DNAH1: variants seen among roughly 807,000 people sequenced by gnomAD.
DNAH1 encodes axonemal beta dynein heavy chain 1.
A neutral mutation model predicts 484.3 loss-of-function variants in DNAH1; 327 were observed. That is an observed-to-expected ratio of 0.68 (90% CI 0.62 to 0.74). The LOEUF is 0.74. Among genes scored for constraint, DNAH1 ranks in the 30% least tolerant of loss-of-function variants. DNAH1 has a pLI of 0.00. For synonymous variants in DNAH1, 2,192 were observed against 2,191.9 expected, an observed-to-expected ratio of 1.00 and a Z score of 0.00; for missense variants, 5,052 against 5,546.8, an observed-to-expected ratio of 0.91 and a Z score of 2.83.
Position 52,398,868 on chromosome 3 carries a change from G to A in DNAH1, c.12108G>A (p.Gln4036=). ...CTCACAGGTACAATCGGCTGCTGCA[G>A]GTGATCACACAGACACTGCAAGACC... ...QEVIRYNRLL[Q]VITQTLQDLL... The change falls in exon 76 of 78, where the codon CAG becomes CAA. Residue 4036 remains glutamine, a synonymous_variant. Coordinates refer to ENST00000420323, the MANE Select transcript of DNAH1 (RefSeq NM_015512.5). 1 of 1,554,332 alleles carries A rather than the reference G, an allele frequency of 6.4e-7. No individual in the cohort carries two copies. The highest frequency in any genetic ancestry group is 8.7e-7 in the Non-Finnish European group (1 of 1,146,978).
At chr3:52,366,358 CAG>C (rs1703071475) in intron 34 of DNAH1, 97 bp from the exon 35 acceptor site, 3 of 904,072 alleles carry the variant, frequency 3.3e-6, no homozygotes, top group Admixed American at 4.8e-5. Context: ...AATTGAGGCT[CAG>C]GGAGTGCAGT....
Position 52,326,816 on chromosome 3 carries a change from G to C in DNAH1, c.663G>C (p.Arg221Ser), listed in dbSNP as rs2153223046. The part of the protein sequence containing the change: ...QGIDSNKLMP[R>S]HLDHQHPQTI... Reference sequence around the variant, plus strand: ...TCGACTCCAACAAGCTCATGCCCAGGCACCTGGACCACCAGCACCCCCAAA... The same window carrying C: ...TCGACTCCAACAAGCTCATGCCCAGCCACCTGGACCACCAGCACCCCCAAA... Residue 221 changes from arginine to serine, a missense_variant, in exon 5 of 78, where the codon AGG becomes AGC. Coordinates refer to ENST00000420323, the MANE Select transcript of DNAH1 (RefSeq NM_015512.5). The C allele has an allele frequency of 1.2e-6, 2 of 1,613,650 alleles. No homozygotes were observed. Among genetic ancestry groups the C allele is most frequent in the African/African-American group, 1.3e-5 (1 of 74,950 alleles).
rs758058357 is a variant in DNAH1, at chr3:52,394,480, C to T, written c.10642C>T (p.Leu3548Phe). Residue 3548 changes from leucine to phenylalanine, a missense_variant, in exon 67 of 78, where the codon CTC becomes TTC. This residue lies in a region of DNAH1 where 2,929 missense variants were observed against 3,409.4 expected (regional missense o/e 0.86). Coordinates refer to ENST00000420323, the MANE Select transcript of DNAH1 (RefSeq NM_015512.5). Reference sequence around the variant, plus strand: ...CCCCTGCCAGAGTGAGTGGCGATACCTCCTGTCTGGGGGCTCCATCTCGAT... The same window carrying T: ...CCCCTGCCAGAGTGAGTGGCGATACTTCCTGTCTGGGGGCTCCATCTCGAT... ...GKINQSEWRY[L>F]LSGGSISIMT... is the part of the protein sequence containing the mutation. 2.5e-6 allele frequency: 4 copies of T among 1,614,012 alleles called. No individual in the cohort carries two copies. The South Asian group carries it at 3.3e-5, about 13-fold the overall frequency.
intron 3 of DNAH1, 136 bp downstream of exon 3, chr3:52,324,016 G>T (rs1329851307): frequency 1.5e-6 from 1 of 664,442 alleles, no homozygotes; most frequent in Non-Finnish European, 2.6e-6. Flanking sequence ...TAAGAAACAG[G>T]GTGCTTCACA....
Position 52,362,021 on chromosome 3 carries a change from AG to A in DNAH1, c.4980+258del. On this transcript the variant is annotated intron_variant, in intron 30 of 77. Transcript: ENST00000420323. This position sits in a 1 kb window ranked among gnomAD's most constrained non-coding sequence, Gnocchi z 5.1. Reference sequence around the variant, plus strand: ...ATTGGTCCTTTCTCTAGCCACGTGCAGGGCGGCCAGGGACCTTGTTCTGGGG... The same window carrying A: ...ATTGGTCCTTTCTCTAGCCACGTGCAGGCGGCCAGGGACCTTGTTCTGGGG... 6.6e-6 allele frequency among the ~76,000 whole-genome samples: 1 copy of A among 152,342 alleles called. No homozygotes were observed. Among genetic ancestry groups the A allele is most frequent in the South Asian group, 2.1e-4 (1 of 4,828 alleles).
chr3:52,391,496 C>G lies in DNAH1; in HGVS notation c.9945C>G (p.Pro3315=), dbSNP rs759604484. ...TVLKLGDTVI[P]YHEDFRMYIT... ...TGAAGCTGGGGGACACGGTGATCCC[C>G]TACCATGAGGACTTCAGGATGTACA... The change falls in exon 63 of 78, where the codon CCC becomes CCG. Residue 3315 remains proline, a synonymous_variant. Coordinates refer to ENST00000420323, the MANE Select transcript of DNAH1 (RefSeq NM_015512.5). 6.2e-7 allele frequency: 1 copy of G among 1,613,660 alleles called. No individual in the cohort carries two copies. The highest frequency in any genetic ancestry group is 1.1e-5 in the South Asian group (1 of 91,044).
intron 55 of DNAH1, 113 bp downstream of exon 55, chr3:52,386,458 C>T (rs1486607352): frequency 5.7e-6 from 8 of 1,405,804 alleles, no homozygotes; most frequent in Non-Finnish European, 7.5e-6. Context: ...CATTCCAGCC[C>T]CCAGGGCCCA....
intron 8 of DNAH1, among the ~76,000 whole-genome samples, chr3:52,336,246 C>A (rs1391366146): frequency 6.6e-6 from 1 of 152,128 alleles, no homozygotes; most frequent in Non-Finnish European, 1.5e-5. Context: ...GGTTTGAGGT[C>A]TGACATTTAA....
Position 52,386,853 on chromosome 3 carries a change from G to T in DNAH1, c.9003G>T (p.Lys3001Asn). The T allele has an allele frequency of 6.4e-7, 1 of 1,560,044 alleles. No homozygotes were observed. The highest frequency in any genetic ancestry group is 8.7e-7 in the Non-Finnish European group (1 of 1,152,836). ...TTGAGAGCCTCTTCAAGTTTGACAA[G>T]GTAAGCATGCCAGGCACCCTGGCCA... Reference protein sequence around the residue: ...HFLESLFKFDKDNIGDVVIKA... With the variant: ...HFLESLFKFDNDNIGDVVIKA... The change falls in exon 56 of 78, where the codon AAG (lysine) becomes AAT (asparagine). Residue 3001 changes from lysine to asparagine, a missense_variant and splice_region_variant. Lys to Asn is a moderately conservative substitution (Grantham distance 94). Around this residue, in one of 4 missense-constraint regions of DNAH1, gnomAD observed 2,929 missense variants for 3,409.4 expected, o/e 0.86. Transcript: ENST00000420323.
At position 52,396,642 on chromosome 3, in the gene DNAH1, C is replaced by A; in HGVS notation, c.11455C>A (p.Leu3819Met). 6.2e-7 allele frequency: 1 copy of A among 1,613,458 alleles called. No homozygotes were observed. The change falls in exon 72 of 78, where the codon CTG (leucine) becomes ATG (methionine). Residue 3819 changes from leucine to methionine, a missense_variant. Leu to Met is a conservative substitution (Grantham distance 15, BLOSUM62 2). This residue lies in a region of DNAH1 where 853 missense variants were observed against 899.0 expected (regional missense o/e 0.95). Transcript: ENST00000420323. Reference sequence around the variant, plus strand: ...GGTGATGGAGTTCAAGTCTCTGCTGCTGTCTCTGTGCTTGTTCCATGGGAA... The same window carrying A: ...GGTGATGGAGTTCAAGTCTCTGCTGATGTCTCTGTGCTTGTTCCATGGGAA... ...HKVMEFKSLL[L>M]SLCLFHGNAL...
At position 52,326,369 on chromosome 3, in the gene DNAH1, CAG is replaced by C. The variant is rs575963889; in HGVS notation, c.581+56_581+57del. The stretch of plus-strand genomic sequence containing the variant: ...TCGGGGAGGTGGCATCCACCCGCCT[CAG>C]GGGATGAGGAACTGCAGATCACCAG... On this transcript the variant is annotated intron_variant, in intron 4 of 77. Transcript: ENST00000420323. The C allele has an allele frequency of 1.6e-3, 2,464 of 1,559,660 alleles. 11 individuals carry two copies. The highest frequency in any genetic ancestry group is 1.3e-3 in the Non-Finnish European group (1,471 of 1,155,126).
At chr3:52,319,365 C>T (rs1701061691) in intron 1 of DNAH1, among the ~76,000 whole-genome samples, 2 of 152,358 alleles carry the variant, frequency 1.3e-5, no homozygotes, top group South Asian at 4.1e-4. Context: ...TCAACTGTGG[C>T]TCTTGCTGGC....
intron 11 of DNAH1, among the ~76,000 whole-genome samples, chr3:52,347,530 G>A (rs934342044): frequency 1.3e-5 from 2 of 152,204 alleles, no homozygotes; most frequent in Non-Finnish European, 2.9e-5. Context: ...ATGGGCTCCC[G>A]GGGAGAGAGT....
intron 35 of DNAH1, 80 bp from the exon 36 acceptor site, chr3:52,366,653 C>T (rs1703087834): frequency 1.3e-6 from 2 of 1,550,072 alleles, no homozygotes; most frequent in East Asian, 4.6e-5. Context: ...GCATAGAATA[C>T]CCCTCCCCCT....
intron 9 of DNAH1, among the ~76,000 whole-genome samples, chr3:52,345,164 A>G (rs1036183782): frequency 6.6e-6 from 1 of 152,204 alleles, no homozygotes; most frequent in Non-Finnish European, 1.5e-5. Flanking sequence ...TTGGTGCCCC[A>G]GGGCAGGCTG....
chr3:52,400,214 A>C (rs1056593242), intron 77 of DNAH1, 111 bp from the exon 78 acceptor site: 1 of 1,465,102 alleles, frequency 6.8e-7, no homozygotes, highest in Admixed American at 1.8e-5. Context: ...CTCTTGGGTC[A>C]GGGCCCCCTC....
At chr3:52,344,698 G>A in intron 9 of DNAH1, 51 bp downstream of exon 9, 2 of 1,563,990 alleles carry the variant, frequency 1.3e-6, no homozygotes, top group Admixed American at 3.6e-5. Flanking sequence ...CCTGGCCAGA[G>A]CCCCCTCCCA....
chr3:52,357,574 T>C lies in DNAH1; in HGVS notation c.3859-40T>C, dbSNP rs1288913618. 1.9e-6 allele frequency: 3 copies of C among 1,584,460 alleles called. No homozygotes were observed. The African/African-American group carries it at 4.0e-5, about 21-fold the overall frequency. On this transcript the variant is annotated intron_variant, in intron 22 of 77. Coordinates refer to ENST00000420323, the MANE Select transcript of DNAH1 (RefSeq NM_015512.5). Reference sequence around the variant, plus strand: ...TGAGCCTATCTTGCTACCTGGACCATGCTCACTGCCCATTTCTGTGCATGG... The same window carrying C: ...TGAGCCTATCTTGCTACCTGGACCACGCTCACTGCCCATTTCTGTGCATGG...
At chr3:52,352,765 G>A in intron 18 of DNAH1, 58 bp downstream of exon 18, 2 of 1,560,716 alleles carry the variant, frequency 1.3e-6, no homozygotes, top group Non-Finnish European at 8.7e-7. Context: ...AGCAGCTCAT[G>A]TAGATGCAGC....
Sources: allele counts gnomAD v4.1 joint callset (sites outside exome capture counted in the v4.1 genomes callset), GRCh38; gene constraint gnomAD v4.1.1; regional missense constraint gnomAD v4.1.1; non-coding constraint Gnocchi (gnomAD v3.1); transcripts MANE v1.5; gene names NCBI Gene and HGNC (gene_info 2026-07-23, HGNC 2026-07-21).